EDA: variants seen among roughly 807,000 people sequenced by gnomAD.
EDA encodes ectodysplasin A, also known as ectodysplasin-A.
A neutral mutation model predicts 23.6 loss-of-function variants in EDA; 2 were observed. The ratio of observed to expected loss-of-function variants is 0.08; its 90% CI spans 0.03 to 0.27. EDA has a LOEUF of 0.27. EDA is among the 10% of genes least tolerant of loss of function. EDA has a pLI of 1.00. For synonymous variants in EDA, 131 were observed against 132.0 expected (o/e 0.99, Z 0.05); for missense variants, 229 against 324.2 (o/e 0.71, Z 2.26).
At position 69,788,581 on chromosome X, in the gene EDA, G is replaced by T. The variant is rs1444166663; in HGVS notation, c.397-168446G>T. ...AGGTGTCAGTCTGCCCCTGCTGGGG[G>T]GTGCCTCCCAGTTAGGCTGCTCAGG... On this transcript the variant is annotated intron_variant, in intron 1 of 7. Transcript: ENST00000374552. Among the ~76,000 whole-genome samples, 3 of 112,052 alleles carry T rather than the reference G, an allele frequency of 2.7e-5. No homozygotes were observed. The South Asian group carries it at 1.1e-3, about 42-fold the overall frequency.
chrX:69,620,116 T>C (rs995820320), intron 1 of EDA, among the ~76,000 whole-genome samples: 5 of 111,899 alleles, frequency 4.5e-5, no homozygotes, highest in Admixed American at 9.5e-5. Flanking sequence ...GCGAGATGAA[T>C]ATGATTAATA....
intron 1 of EDA, among the ~76,000 whole-genome samples, chrX:69,643,067 G>T (rs1048410170): frequency 9.0e-6 from 1 of 111,358 alleles, no homozygotes; most frequent in Non-Finnish European, 1.9e-5. Flanking sequence ...GGGAGCCAAG[G>T]AATGTAATAT....
intron 1 of EDA, among the ~76,000 whole-genome samples, chrX:69,824,068 G>A (rs1391119899): frequency 2.1e-5 from 2 of 96,210 alleles, no homozygotes; most frequent in Non-Finnish European, 4.1e-5. Context: ...TCTCTGTTTT[G>A]GTACCAGTAC....
chrX:69,704,012 G>A (rs1290316312), intron 1 of EDA, among the ~76,000 whole-genome samples: 1 of 111,897 alleles, frequency 8.9e-6, no homozygotes, highest in Non-Finnish European at 1.9e-5. Context: ...TTGGTTTCAG[G>A]CATTGATGAA....
At chrX:70,023,614 T>G (rs1195000519) in intron 3 of EDA, among the ~76,000 whole-genome samples, 2 of 103,722 alleles carry the variant, frequency 1.9e-5, no homozygotes, top group Non-Finnish European at 3.9e-5. Flanking sequence ...CTCAGCCTCC[T>G]GAGTAGCTGG....
intron 1 of EDA, among the ~76,000 whole-genome samples, chrX:69,772,722 G>T (rs1298722738): frequency 9.0e-6 from 1 of 111,340 alleles, no homozygotes; most frequent in Non-Finnish European, 1.9e-5. Context: ...TTATGAGTGA[G>T]AAAATGTGGT....
intron 1 of EDA, among the ~76,000 whole-genome samples, chrX:69,939,245 T>G (rs974170261): frequency 3.6e-5 from 4 of 112,173 alleles, no homozygotes; most frequent in Non-Finnish European, 3.8e-5. Flanking sequence ...CTTTTCCATT[T>G]TTTGTGTGTC....
intron 1 of EDA, among the ~76,000 whole-genome samples, chrX:69,649,347 C>T (rs747773320): frequency 3.6e-5 from 4 of 111,678 alleles, no homozygotes; most frequent in African/African-American, 9.7e-5. Context: ...GTCCAGTTGC[C>T]GGTGTCAATA....
chrX:69,880,324 A>C (rs908226175), intron 1 of EDA, among the ~76,000 whole-genome samples: 1 of 112,253 alleles, frequency 8.9e-6, no homozygotes, highest in African/African-American at 3.2e-5. Flanking sequence ...CAAACTCTCC[A>C]ATACATGAGA....
Position 69,616,131 on chromosome X carries a change from A to C in EDA, c.-178A>C. Reference sequence around the variant, plus strand: ...TCCTCCTCCCTTTCCCACCCCTCGGAGTAGAGCTGCACATGCGGCTGCTCC... The same window carrying C: ...TCCTCCTCCCTTTCCCACCCCTCGGCGTAGAGCTGCACATGCGGCTGCTCC... On this transcript the variant is annotated 5_prime_UTR_variant, in exon 1 of 8. Transcript: ENST00000374552. 4.3e-5 allele frequency: 12 copies of C among 279,603 alleles called. No individual in the cohort carries two copies. The highest frequency in any genetic ancestry group is 8.5e-5 in the East Asian group (1 of 11,821). The allele number at this position is 279,603 out of a possible 1,213,427, so 23.0% of individuals were successfully genotyped here. A position where few individuals can be genotyped will look rare whatever the true frequency, so the allele number is the denominator to read the frequency against.
chrX:69,697,183 G>A (rs1396260332), intron 1 of EDA, among the ~76,000 whole-genome samples: 2 of 111,691 alleles, frequency 1.8e-5, no homozygotes, highest in African/African-American at 3.3e-5. Context: ...ACAGGGCAGG[G>A]ATTTTATAGT....
chrX:69,812,923 T>C (rs192973571), intron 1 of EDA, among the ~76,000 whole-genome samples: 17 of 111,721 alleles, frequency 1.5e-4, no homozygotes, highest in Admixed American at 6.7e-4. Flanking sequence ...TAATTAAGAT[T>C]TATTTTTAGT....
chrX:69,719,327 A>G (rs1259309040), intron 1 of EDA, among the ~76,000 whole-genome samples: 2 of 108,537 alleles, frequency 1.8e-5, no homozygotes, highest in African/African-American at 3.4e-5. Flanking sequence ...TTTATAATGC[A>G]TGTAACTGTT....
At chrX:69,938,760 A>C (rs1194341911) in intron 1 of EDA, among the ~76,000 whole-genome samples, 1 of 111,873 alleles carries the variant, frequency 8.9e-6, no homozygotes, top group Non-Finnish European at 1.9e-5. Flanking sequence ...AATCCATTTT[A>C]ATTTTATCTT....
intron 1 of EDA, among the ~76,000 whole-genome samples, chrX:69,918,827 T>A (rs1478497700): frequency 8.9e-6 from 1 of 111,928 alleles, no homozygotes; most frequent in East Asian, 2.8e-4. Flanking sequence ...TATTTGTGAC[T>A]GGCTAACAGC....
At chrX:69,827,194 C>T (rs1176793967) in intron 1 of EDA, among the ~76,000 whole-genome samples, 2 of 111,278 alleles carry the variant, frequency 1.8e-5, no homozygotes, top group Non-Finnish European at 3.8e-5. Context: ...TTGCTCTTCT[C>T]AAGGAGTATC....
At chrX:69,863,531 G>A (rs5936784) in intron 1 of EDA, among the ~76,000 whole-genome samples, 6,203 of 32,930 alleles carry the variant, frequency 0.19, 216 homozygotes, top group Middle Eastern at 0.39. Flanking sequence ...ATATGTGTGT[G>A]TATATATATA....
intron 2 of EDA, among the ~76,000 whole-genome samples, chrX:70,018,562 T>C (rs765214658): frequency 1.0e-3 from 114 of 111,492 alleles, no homozygotes; most frequent in Non-Finnish European, 1.5e-3. Context: ...TTTGACAAAA[T>C]TAACAAAAAC....
rs2020249841 is a variant in EDA at position 70,035,301 on chromosome X, G to A, written c.925-57G>A. 14 of 1,166,734 alleles carry A rather than the reference G, an allele frequency of 1.2e-5. 1 individual carries two copies. The Middle Eastern group carries it at 7.4e-4, about 62-fold the overall frequency. The stretch of plus-strand genomic sequence containing the variant: ...ATTCTGTCAATTCACCACAGGGAGG[G>A]CCCCCCACCCTCTCTTTCCTCTCTT... On this transcript the variant is annotated intron_variant, in intron 7 of 7. Coordinates refer to ENST00000374552, the MANE Select transcript of EDA (RefSeq NM_001399.5).
Sources: gnomAD v4.1 joint callset for allele counts (sites outside exome capture counted in the v4.1 genomes callset) on GRCh38, gnomAD v4.1.1 for gene constraint, MANE v1.5 for transcripts, NCBI Gene and HGNC (gene_info 2026-07-23, HGNC 2026-07-21) for gene names.